The following TMEM131 variants were observed in gnomAD, a reference collection of about 807,000 sequenced individuals.
TMEM131 encodes transmembrane protein 131.
In TMEM131, 66 loss-of-function variants were observed where a neutral mutation model predicts 211.6. The observed-to-expected ratio is 0.31, with a 90% CI of 0.26 to 0.38. The LOEUF (loss-of-function observed/expected upper bound fraction) is 0.38. Ranked by LOEUF, TMEM131 falls within the 10% of genes least tolerant of loss-of-function variation. The pLI is 1.00. For missense variants in TMEM131, 2,036 were observed against 2,299.3 expected (o/e 0.89, Z 2.34); for synonymous variants, 844 against 841.3 (o/e 1.00, Z -0.06).
At chr2:97,904,797 TC>T (rs1676000741) in intron 3 of TMEM131, among the ~76,000 whole-genome samples, 1 of 151,624 alleles carries the variant, frequency 6.6e-6, no homozygotes, top group African/African-American at 2.4e-5. Context: ...TGGCTATAGT[TC>T]TTTTTTTTTT....
chr2:97,805,295 T>C, intron 21 of TMEM131, 81 bp downstream of exon 21: 1 of 1,564,080 alleles, frequency 6.4e-7, no homozygotes, highest in South Asian at 1.1e-5. Flanking sequence ...GACAGCAATG[T>C]ACTTTAAAAG....
In TMEM131 at chr2:97,772,402, T is replaced by C; in HGVS notation, c.4343A>G (p.Lys1448Arg). The C allele has an allele frequency of 6.2e-7, 1 of 1,611,836 alleles. No individual in the cohort carries two copies. Among genetic ancestry groups the C allele is most frequent in the Non-Finnish European group, 8.5e-7 (1 of 1,179,446 alleles). The part of the protein sequence containing the change: ...LKEDTEKQKG[K>R]QAMPEKHESE... ...TTCATGTTTTTCAGGCATGGCTTGT[T>C]TTCCCTTTTGCTTTTCTGTATCCTG... The change falls in exon 33 of 41, where the codon AAA becomes AGA. Residue 1448 changes from lysine (K) to arginine (R), a missense_variant. Transcript: ENST00000186436.
At chr2:97,818,821 C>T (rs1681973708) in intron 11 of TMEM131, 100 bp from the exon 12 acceptor site, 1 of 737,320 alleles carries the variant, frequency 1.4e-6, no homozygotes, top group African/African-American at 1.8e-5. Flanking sequence ...GTAAAGTGGA[C>T]TCTAAATTTG....
At chr2:97,768,464 GAAGA>G (rs1249567713) in intron 33 of TMEM131, among the ~76,000 whole-genome samples, 1 of 122,230 alleles carries the variant, frequency 8.2e-6, no homozygotes, top group Non-Finnish European at 2.1e-5. Context: ...TGGTTTTTAA[GAAGA>G]AAGGTGCCAG....
intron 2 of TMEM131, among the ~76,000 whole-genome samples, chr2:97,920,180 A>G (rs1318899999): frequency 6.6e-6 from 1 of 152,084 alleles, no homozygotes; most frequent in African/African-American, 2.4e-5. Context: ...TCCTTGCCCA[A>G]TCCTGCTTTC....
At chr2:97,819,447 G>A (rs550795678) in intron 11 of TMEM131, among the ~76,000 whole-genome samples, 42 of 152,110 alleles carry the variant, frequency 2.8e-4, no homozygotes, top group Non-Finnish European at 5.1e-4. Flanking sequence ...TGGAAGGGAC[G>A]TAAAAGATTC....
chr2:97,813,986 G>A lies in TMEM131; in HGVS notation c.1602C>T (p.Tyr534=). The A allele has an allele frequency of 6.3e-7, 1 of 1,594,006 alleles. No homozygotes were observed. Among genetic ancestry groups the A allele is most frequent in the Non-Finnish European group, 8.6e-7 (1 of 1,168,988 alleles). ...ASKFHLPVRV[Y]TGFLDYFVLP... is the part of the protein sequence containing the mutation. ...ATATACTTACATCTAAAAAGCCTGT[G>A]TATACCCGCACGGGTAAATGAAATT... Residue 534 remains tyrosine, a synonymous_variant, in exon 15 of 41, where the codon TAC becomes TAT. Coordinates refer to ENST00000186436, the MANE Select transcript of TMEM131 (RefSeq NM_015348.2).
chr2:97,759,497 G>T, intron 39 of TMEM131, 155 bp downstream of exon 39: 1 of 636,804 alleles, frequency 1.6e-6, no homozygotes. Flanking sequence ...TGTGGATGAG[G>T]GAGGAAGAGG....
chr2:97,846,933 C>A (rs941688487), intron 5 of TMEM131, among the ~76,000 whole-genome samples: 1 of 152,160 alleles, frequency 6.6e-6, no homozygotes, highest in African/African-American at 2.4e-5. Flanking sequence ...GTAATCCCAG[C>A]AATTTGGGAG....
At position 97,841,823 on chromosome 2, in the gene TMEM131, G is replaced by C; in HGVS notation, c.715C>G (p.Pro239Ala). 3.1e-6 allele frequency: 5 copies of C among 1,592,888 alleles called. No homozygotes were observed. The highest frequency in any genetic ancestry group is 4.3e-6 in the Non-Finnish European group (5 of 1,169,482). ...IINIHNPHSE[P>A]LQVVEMYSSG... ...TACCATCATAAACTCACCTGTAAAG[G>C]CTCACTGTGAGGATTGTGGATGTTT... Residue 239 changes from proline (P) to alanine (A), a missense_variant, in exon 7 of 41, where the codon CCT (proline) becomes GCT (alanine). Around this residue, in one of 3 missense-constraint regions of TMEM131, gnomAD observed 277 missense variants for 378.0 expected, o/e 0.73. Coordinates refer to ENST00000186436, the MANE Select transcript of TMEM131 (RefSeq NM_015348.2).
intron 4 of TMEM131, among the ~76,000 whole-genome samples, chr2:97,882,194 G>A (rs1410582513): frequency 2.6e-5 from 4 of 152,144 alleles, no homozygotes; most frequent in Non-Finnish European, 4.4e-5. Context: ...GTAGCTTTGT[G>A]ATATCAACTT....
intron 26 of TMEM131, 111 bp downstream of exon 26, chr2:97,797,254 A>T: frequency 9.0e-7 from 1 of 1,112,868 alleles, no homozygotes; most frequent in Non-Finnish European, 1.3e-6. Context: ...TGTTTTGGAC[A>T]AAGTGAATTC....
At chr2:97,812,813 G>A (rs1681614838) in intron 15 of TMEM131, 64 bp from the exon 16 acceptor site, 1 of 902,094 alleles carries the variant, frequency 1.1e-6, no homozygotes, top group Non-Finnish European at 1.7e-6. Context: ...ATTATGAAGA[G>A]AAAGTAACTA....
At chr2:97,933,878 A>G (rs1205431161) in intron 1 of TMEM131, among the ~76,000 whole-genome samples, 6 of 152,206 alleles carry the variant, frequency 3.9e-5, no homozygotes, top group Non-Finnish European at 7.3e-5. Context: ...TCAAGAAGAT[A>G]GGAGAAATGT....
At chr2:97,913,485 G>T (rs879655081) in intron 2 of TMEM131, among the ~76,000 whole-genome samples, 2 of 152,110 alleles carry the variant, frequency 1.3e-5, no homozygotes, top group Admixed American at 1.3e-4. Flanking sequence ...TTAGCAAATG[G>T]TAAGAGTTAG....
At chr2:97,967,814 G>T (rs185882502) in intron 1 of TMEM131, among the ~76,000 whole-genome samples, 12 of 152,030 alleles carry the variant, frequency 7.9e-5, no homozygotes, top group African/African-American at 2.9e-4. Context: ...CTAGAGCCTC[G>T]ATGCTCTTCT....
chr2:97,887,623 T>C (rs1458907504), intron 4 of TMEM131: 1 of 154,408 alleles, frequency 6.5e-6, no homozygotes, highest in Non-Finnish European at 1.4e-5. Flanking sequence ...TGCGTTTGCT[T>C]TTACCTGCCA....
intron 32 of TMEM131, among the ~76,000 whole-genome samples, chr2:97,774,999 C>G (rs1679647097): frequency 6.6e-6 from 1 of 152,150 alleles, no homozygotes; most frequent in South Asian, 2.1e-4. Context: ...TGCTGGAAAT[C>G]TGTAAGAAGT....
At chr2:97,917,688 G>C (rs1676564444) in intron 2 of TMEM131, among the ~76,000 whole-genome samples, 1 of 152,120 alleles carries the variant, frequency 6.6e-6, no homozygotes. Flanking sequence ...TGAGCAAAGG[G>C]GGAAAAGCCC....
Sources: allele counts gnomAD v4.1 joint callset (sites outside exome capture counted in the v4.1 genomes callset), GRCh38; gene constraint gnomAD v4.1.1; regional missense constraint gnomAD v4.1.1; transcripts MANE v1.5; gene names NCBI Gene and HGNC (gene_info 2026-07-23, HGNC 2026-07-21).